The following SH3GL2 variants were observed in gnomAD, a reference collection of about 807,000 sequenced individuals.
The protein encoded by SH3GL2 is SH3 domain containing GRB2 like 2, endophilin A1.
A neutral mutation model predicts 46.0 loss-of-function variants in SH3GL2; 24 were observed. The observed-to-expected ratio is 0.52, with a 90% CI of 0.38 to 0.73. SH3GL2 has a LOEUF of 0.73. SH3GL2 is among the 30% of genes least tolerant of loss of function. The pLI is 0.00. For synonymous variants in SH3GL2, 196 were observed against 147.1 expected (o/e 1.33, Z -2.40); for missense variants, 413 against 424.2 (o/e 0.97, Z 0.23).
At chr9:17,731,269 G>A (rs957951114) in intron 1 of SH3GL2, among the ~76,000 whole-genome samples, 4 of 152,064 alleles carry the variant, frequency 2.6e-5, no homozygotes, top group African/African-American at 9.7e-5. Flanking sequence ...ATACGTTGAA[G>A]CCCTAACCCC....
chr9:17,624,967 C>T (rs1166960472), intron 1 of SH3GL2, among the ~76,000 whole-genome samples: 1 of 152,310 alleles, frequency 6.6e-6, no homozygotes, highest in South Asian at 2.1e-4. Flanking sequence ...TGAGGAATAT[C>T]TGTTCAGAGT....
intron 1 of SH3GL2, among the ~76,000 whole-genome samples, chr9:17,585,146 C>A (rs750705968): frequency 6.6e-6 from 1 of 152,092 alleles, no homozygotes; most frequent in Non-Finnish European, 1.5e-5. Context: ...CATACAGAGT[C>A]TCAGGGCATC....
At chr9:17,753,398 G>C (rs945541364) in intron 2 of SH3GL2, among the ~76,000 whole-genome samples, 4 of 151,890 alleles carry the variant, frequency 2.6e-5, no homozygotes, top group African/African-American at 7.2e-5. Flanking sequence ...ATCTCATTGT[G>C]GTTTTGATTT....
At position 17,795,945 on chromosome 9, in the gene SH3GL2, G is replaced by A. The variant is rs1254118562; in HGVS notation, c.*202G>A. On this transcript the variant is annotated 3_prime_UTR_variant, in exon 9 of 9. Transcript: ENST00000380607. Reference sequence around the variant, plus strand: ...ATATCCTCTTAGCCTGGTGGGCGTGGCATGTGCTTTTTAAAACATCATCTG... The same window carrying A: ...ATATCCTCTTAGCCTGGTGGGCGTGACATGTGCTTTTTAAAACATCATCTG... 3.6e-6 allele frequency: 2 copies of A among 556,616 alleles called. No individual in the cohort carries two copies. The highest frequency in any genetic ancestry group is 1.9e-5 in the African/African-American group (1 of 53,424). 34.5% of individuals were successfully genotyped at this position (556,616 alleles called of 1,614,324 possible). A position where few individuals can be genotyped will look rare whatever the true frequency, so the allele number is the denominator to read the frequency against.
intron 1 of SH3GL2, among the ~76,000 whole-genome samples, chr9:17,710,423 G>A (rs1453051266): frequency 6.6e-6 from 1 of 151,942 alleles, no homozygotes; most frequent in Non-Finnish European, 1.5e-5. Flanking sequence ...GCCTTGGAGT[G>A]TTATGGTCAG....
chr9:17,647,497 G>A (rs577059952), intron 1 of SH3GL2, among the ~76,000 whole-genome samples: 1 of 151,956 alleles, frequency 6.6e-6, no homozygotes, highest in Non-Finnish European at 1.5e-5. Flanking sequence ...GGTGGAACTG[G>A]GATTCAAATT....
intron 1 of SH3GL2, among the ~76,000 whole-genome samples, chr9:17,731,172 G>T (rs1054464881): frequency 6.6e-6 from 1 of 152,062 alleles, no homozygotes; most frequent in Non-Finnish European, 1.5e-5. Flanking sequence ...GAGTGGCTTT[G>T]CACTAAATAT....
intron 1 of SH3GL2, among the ~76,000 whole-genome samples, chr9:17,689,107 A>C (rs1284390864): frequency 6.6e-6 from 1 of 152,056 alleles, no homozygotes; most frequent in Non-Finnish European, 1.5e-5. Context: ...TGATGTGATG[A>C]AAATGGCACT....
At chr9:17,648,792 G>A (rs1461912463) in intron 1 of SH3GL2, among the ~76,000 whole-genome samples, 2 of 152,216 alleles carry the variant, frequency 1.3e-5, no homozygotes, top group East Asian at 3.9e-4. Flanking sequence ...ATAATGTTTG[G>A]TTCATTCAGG....
chr9:17,761,792 C>G (rs961914187), intron 3 of SH3GL2, among the ~76,000 whole-genome samples: 3 of 152,142 alleles, frequency 2.0e-5, no homozygotes, highest in Non-Finnish European at 4.4e-5. Flanking sequence ...ATCAGAGTAG[C>G]TATAAACTGT....
chr9:17,641,145 T>G (rs1021310010), intron 1 of SH3GL2, among the ~76,000 whole-genome samples: 5 of 152,148 alleles, frequency 3.3e-5, no homozygotes, highest in Non-Finnish European at 5.9e-5. Context: ...TTACCAAGTT[T>G]CCAATATTAT....
At position 17,747,221 on chromosome 9, in the gene SH3GL2, T is replaced by A. The variant is rs560653727; in HGVS notation, c.114+87T>A. 2.5e-4 allele frequency: 183 copies of A among 732,418 alleles called. 1 individual carries two copies. The highest frequency in any genetic ancestry group is 2.1e-3 in the African/African-American group (118 of 55,688). 45.4% of individuals were successfully genotyped at this position (732,418 alleles called of 1,614,324 possible). On this transcript the variant is annotated intron_variant, in intron 2 of 8. Transcript: ENST00000380607. ...AGAAGAGAAAACGGGAGAGGGCAACTGTTTTCCACTGGTCTCTGAGAATAC... is the reference window on the plus strand; with the variant it reads ...AGAAGAGAAAACGGGAGAGGGCAACAGTTTTCCACTGGTCTCTGAGAATAC...
chr9:17,631,365 C>G (rs758359964), intron 1 of SH3GL2, among the ~76,000 whole-genome samples: 1 of 152,176 alleles, frequency 6.6e-6, no homozygotes, highest in Non-Finnish European at 1.5e-5. Flanking sequence ...CTGACATCCC[C>G]TCTTGCTCAG....
At chr9:17,670,930 G>A (rs1372204096) in intron 1 of SH3GL2, among the ~76,000 whole-genome samples, 1 of 152,148 alleles carries the variant, frequency 6.6e-6, no homozygotes, top group South Asian at 2.1e-4. Flanking sequence ...TATGGGGTGG[G>A]GCCTGACTAT....
intron 1 of SH3GL2, among the ~76,000 whole-genome samples, chr9:17,638,998 C>T (rs545969937): frequency 6.6e-6 from 1 of 152,120 alleles, no homozygotes; most frequent in Admixed American, 6.6e-5. Flanking sequence ...CTTTAAAATT[C>T]TGATTAAGAA....
chr9:17,621,407 C>T (rs1406325388), intron 1 of SH3GL2, among the ~76,000 whole-genome samples: 1 of 152,180 alleles, frequency 6.6e-6, no homozygotes, highest in East Asian at 1.9e-4. Context: ...TTGAATTGTC[C>T]TGATGATTTT....
intron 3 of SH3GL2, among the ~76,000 whole-genome samples, chr9:17,770,649 T>G (rs1823449517): frequency 6.6e-6 from 1 of 152,200 alleles, no homozygotes; most frequent in African/African-American, 2.4e-5. Flanking sequence ...CAAGTCACAT[T>G]ATGTGAGACA....
At chr9:17,722,520 T>C (rs1821921179) in intron 1 of SH3GL2, among the ~76,000 whole-genome samples, 1 of 151,996 alleles carries the variant, frequency 6.6e-6, no homozygotes, top group Non-Finnish European at 1.5e-5. Context: ...TTCTTATTTT[T>C]TTATTTTATT....
At chr9:17,738,641 T>TATATATATAG (rs376280314) in intron 1 of SH3GL2, among the ~76,000 whole-genome samples, 2,918 of 88,750 alleles carry the variant, frequency 0.033, 115 homozygotes, top group Middle Eastern at 0.083. Flanking sequence ...TATATATATA[T>TATATATATAG]AGAGAGAGAG....
Sources: allele counts gnomAD v4.1 joint callset (sites outside exome capture counted in the v4.1 genomes callset), GRCh38; gene constraint gnomAD v4.1.1; transcripts MANE v1.5; gene names NCBI Gene and HGNC (gene_info 2026-07-23, HGNC 2026-07-21).